The following PIGV variants were observed in gnomAD, a reference collection of about 807,000 sequenced individuals.
PIGV encodes GPI alpha-1,6-mannosyltransferase 2.
In PIGV, 27 loss-of-function variants were observed where a neutral mutation model predicts 39.2. The observed-to-expected ratio is 0.69, with a 90% CI of 0.51 to 0.95. PIGV has a LOEUF of 0.95. Among genes scored for constraint, PIGV ranks in the 40% least tolerant of loss-of-function variants. The pLI, the probability that PIGV is intolerant of heterozygous loss-of-function variation, is 0.00. For synonymous variants in PIGV, 232 were observed against 241.7 expected (o/e 0.96, Z 0.37); for missense variants, 523 against 586.4 (o/e 0.89, Z 1.12).
rs749609562 is a variant in PIGV, at chr1:26,798,944, G to C, written c.*1100G>C. Among the ~76,000 whole-genome samples, 7 of 152,118 alleles carry C rather than the reference G, an allele frequency of 4.6e-5. No individual in the cohort carries two copies. Among genetic ancestry groups the C allele is most frequent in the Non-Finnish European group, 1.0e-4 (7 of 68,012 alleles). On this transcript the variant is annotated 3_prime_UTR_variant, in exon 4 of 4. Coordinates refer to ENST00000674202, the MANE Select transcript of PIGV (RefSeq NM_017837.4). ...CATGGGAAATGATGATATTCTTCAG[G>C]GGGTGGTGGTGAATGATGCAGTCTC...
chr1:26,792,175 A>G (rs972762098), intron 2 of PIGV, among the ~76,000 whole-genome samples: 3 of 151,992 alleles, frequency 2.0e-5, no homozygotes, highest in Non-Finnish European at 4.4e-5. Context: ...TTTTTGAGAC[A>G]GAGTCTCGCC....
rs113841443 is a variant in PIGV, at chr1:26,794,110, C to T, written c.79-3C>T. 6.2e-7 allele frequency: 1 copy of T among 1,614,110 alleles called. No individual in the cohort carries two copies. Among genetic ancestry groups the T allele is most frequent in the Non-Finnish European group, 8.5e-7 (1 of 1,179,930 alleles). On this transcript the variant is annotated splice_region_variant and splice_polypyrimidine_tract_variant and intron_variant, in intron 2 of 3. Coordinates refer to ENST00000674202, the MANE Select transcript of PIGV (RefSeq NM_017837.4). ...AAAATTCTGGTTTTTCTTTACTCCA[C>T]AGGCCCTCTTCAATGCCATCATCCC...
At position 26,798,346 on chromosome 1, in the gene PIGV, T is replaced by G. The variant is rs2081412900; in HGVS notation, c.*502T>G. On this transcript the variant is annotated 3_prime_UTR_variant, in exon 4 of 4. Coordinates refer to ENST00000674202, the MANE Select transcript of PIGV (RefSeq NM_017837.4). ...TTTTTATGATTTGTGCATGTATTTT[T>G]ATATGAAAAAAACTTACAAAGATAT... 6.4e-6 allele frequency: 1 copy of G among 156,806 alleles called. No individual in the cohort carries two copies. Among genetic ancestry groups the G allele is most frequent in the Admixed American group, 6.2e-5 (1 of 16,182 alleles). The allele number at this position is 156,806 out of a possible 1,614,324, so 9.7% of individuals were successfully genotyped here. A position where few individuals can be genotyped will look rare whatever the true frequency, so the allele number is the denominator to read the frequency against.
chr1:26,794,192 A>G lies in PIGV; in HGVS notation c.158A>G (p.Asp53Gly), dbSNP rs771869741. The G allele has an allele frequency of 6.2e-7, 1 of 1,614,146 alleles. No individual in the cohort carries two copies. Among genetic ancestry groups the G allele is most frequent in the Admixed American group, 1.7e-5 (1 of 60,012 alleles). ...CGCCTGGCCCCCTCAGGCTTTGTGGACCAACTCGTGGAAGGTCTTCTGGGC... is the reference window on the plus strand; with the variant it reads ...CGCCTGGCCCCCTCAGGCTTTGTGGGCCAACTCGTGGAAGGTCTTCTGGGC... The part of the protein sequence containing the change: ...PPRLAPSGFV[D>G]QLVEGLLGGL... The change falls in exon 3 of 4, where the codon GAC becomes GGC. Residue 53 changes from aspartate to glycine, a missense_variant. Coordinates refer to ENST00000674202, the MANE Select transcript of PIGV (RefSeq NM_017837.4).
chr1:26,787,207 T>TCCATACC (rs2081248374), upstream of PIGV, among the ~76,000 whole-genome samples: 1 of 152,220 alleles, frequency 6.6e-6, no homozygotes, highest in Non-Finnish European at 1.5e-5. Context: ...TCTAACAGTT[T>TCCATACC]CCGTTACAAG....
intron 3 of PIGV, among the ~76,000 whole-genome samples, chr1:26,796,308 A>C (rs1427358430): frequency 1.3e-5 from 2 of 151,414 alleles, no homozygotes; most frequent in African/African-American, 4.9e-5. Flanking sequence ...AGCTGGGACT[A>C]CAGGCACCTG....
chr1:26,796,164 ATTTTTTTTTT>A (rs1226934532), intron 3 of PIGV, among the ~76,000 whole-genome samples: 8 of 125,108 alleles, frequency 6.4e-5, no homozygotes, highest in Non-Finnish European at 1.2e-4. Context: ...TCGGCCTGAG[ATTTTTTTTTT>A]TTTTTTTTTT....
intron 2 of PIGV, among the ~76,000 whole-genome samples, chr1:26,792,731 C>T (rs915387032): frequency 2.0e-5 from 3 of 152,226 alleles, no homozygotes; most frequent in African/African-American, 4.8e-5. Flanking sequence ...TTGCTGCTGT[C>T]GTCTCTGTCA....
chr1:26,798,567 C>T lies in PIGV; in HGVS notation c.*723C>T, dbSNP rs1176345768. On this transcript the variant is annotated 3_prime_UTR_variant, in exon 4 of 4. Coordinates refer to ENST00000674202, the MANE Select transcript of PIGV (RefSeq NM_017837.4). ...CTCTACTAAAAATACAAAAATTAGC[C>T]GTGCATGATGGTACACACCTGTAAT... 3.9e-5 allele frequency among the ~76,000 whole-genome samples: 6 copies of T among 152,130 alleles called. No individual in the cohort carries two copies. The South Asian group carries it at 6.2e-4, about 16-fold the overall frequency.
chr1:26,787,424 T>G (rs553225970), upstream of PIGV: 3 of 152,350 alleles, frequency 2.0e-5, no homozygotes, highest in East Asian at 5.8e-4. Flanking sequence ...ACAGAAGGTC[T>G]CTGGTAGATA....
At chr1:26,791,062 G>A (rs1282711544) in intron 2 of PIGV, among the ~76,000 whole-genome samples, 169 bp downstream of exon 2, 1 of 152,072 alleles carries the variant, frequency 6.6e-6, no homozygotes, top group African/African-American at 2.4e-5. Context: ...TTAGAAACAC[G>A]GTCTGTTGAT....
At chr1:26,787,128 G>A (rs994364261), upstream of PIGV, among the ~76,000 whole-genome samples, 1 of 152,170 alleles carries the variant, frequency 6.6e-6, no homozygotes, top group Non-Finnish European at 1.5e-5. Flanking sequence ...TTGGAATCCT[G>A]AGAAACAAGA....
At position 26,798,639 on chromosome 1, in the gene PIGV, G is replaced by A. The variant is rs1045968887; in HGVS notation, c.*795G>A. Reference sequence around the variant, plus strand: ...TGAGAATTGCTTGAACTTGGAAGGCGGAGGTTTCAGTGAGCTGAGTTTGCG... The same window carrying A: ...TGAGAATTGCTTGAACTTGGAAGGCAGAGGTTTCAGTGAGCTGAGTTTGCG... On this transcript the variant is annotated 3_prime_UTR_variant, in exon 4 of 4. Coordinates refer to ENST00000674202, the MANE Select transcript of PIGV (RefSeq NM_017837.4). Among the ~76,000 whole-genome samples, 4 of 152,354 alleles carry A rather than the reference G, an allele frequency of 2.6e-5. No individual in the cohort carries two copies. The highest frequency in any genetic ancestry group is 6.5e-5 in the Admixed American group (1 of 15,298).
At chr1:26,789,975 G>A (rs1332450708) in intron 1 of PIGV, among the ~76,000 whole-genome samples, 1 of 152,174 alleles carries the variant, frequency 6.6e-6, no homozygotes, top group Non-Finnish European at 1.5e-5. Context: ...TCCCTGCCTC[G>A]GAGTGGCTTT....
chr1:26,799,633 T>C lies in PIGV; in HGVS notation c.*1789T>C, dbSNP rs1276020750. On this transcript the variant is annotated 3_prime_UTR_variant, in exon 4 of 4. Coordinates refer to ENST00000674202, the MANE Select transcript of PIGV (RefSeq NM_017837.4). ...AGCTCCTGGCTGAGCCCCAGCACCC[T>C]CTGTTGGAGCTTCTGGTCAGCCTGG... Among the ~76,000 whole-genome samples, 2 of 152,142 alleles carry C rather than the reference T, an allele frequency of 1.3e-5. No individual in the cohort carries two copies. The highest frequency in any genetic ancestry group is 4.8e-5 in the African/African-American group (2 of 41,442).
chr1:26,793,226 C>T (rs1389622544), intron 2 of PIGV, among the ~76,000 whole-genome samples: 1 of 152,148 alleles, frequency 6.6e-6, no homozygotes, highest in East Asian at 1.9e-4. Context: ...TTCACTTTAC[C>T]CCACATTGTT....
chr1:26,790,295 A>G (rs1344748589), intron 1 of PIGV, among the ~76,000 whole-genome samples: 1 of 152,238 alleles, frequency 6.6e-6, no homozygotes. Flanking sequence ...CACACGCCAA[A>G]TAATAGCAAC....
intron 2 of PIGV, 58 bp downstream of exon 2, chr1:26,790,951 T>A: frequency 7.2e-7 from 1 of 1,386,200 alleles, no homozygotes; most frequent in Non-Finnish European, 1.0e-6. Context: ...GACTAGGCAG[T>A]AAGAAGTGTC....
rs1488126944 is a variant in PIGV, at chr1:26,799,833, G to A, written c.*1989G>A. On this transcript the variant is annotated 3_prime_UTR_variant, in exon 4 of 4. Coordinates refer to ENST00000674202, the MANE Select transcript of PIGV (RefSeq NM_017837.4). The stretch of plus-strand genomic sequence containing the variant: ...TCACCCCTGCCCTAGTGTCCCTCCA[G>A]TTAGTTGGCAGAAACTGTTCCCTTT... 6.6e-6 allele frequency among the ~76,000 whole-genome samples: 1 copy of A among 152,190 alleles called. No individual in the cohort carries two copies. The highest frequency in any genetic ancestry group is 1.5e-5 in the Non-Finnish European group (1 of 68,038).
Sources: allele counts gnomAD v4.1 joint callset (sites outside exome capture counted in the v4.1 genomes callset), GRCh38; gene constraint gnomAD v4.1.1; transcripts MANE v1.5; gene names NCBI Gene and HGNC (gene_info 2026-07-23, HGNC 2026-07-21).